DNAH8: variants seen among roughly 807,000 people sequenced by gnomAD.
DNAH8 encodes axonemal beta dynein heavy chain 8.
DNAH8 carries 382 observed loss-of-function variants against 562.1 expected under a neutral mutation model. That is an observed-to-expected ratio of 0.68 (90% confidence interval 0.63 to 0.74). The LOEUF is 0.74. Ranked by LOEUF, DNAH8 falls within the 30% of genes least tolerant of loss-of-function variation. DNAH8 has a pLI of 0.00. For synonymous variants in DNAH8, 1,881 were observed against 1,919.4 expected, an observed-to-expected ratio of 0.98 and a Z score of 0.52; for missense variants, 5,203 against 5,620.4, an observed-to-expected ratio of 0.93 and a Z score of 2.37.
intron 29 of DNAH8, among the ~76,000 whole-genome samples, chr6:38,827,305 T>C (rs920139830): frequency 5.3e-5 from 8 of 152,212 alleles, no homozygotes; most frequent in African/African-American, 1.9e-4. Flanking sequence ...TATAAGGTAA[T>C]ATGTTCACAG....
chr6:38,847,523 C>T (rs1329873111), intron 36 of DNAH8, among the ~76,000 whole-genome samples: 2 of 152,030 alleles, frequency 1.3e-5, no homozygotes, highest in Non-Finnish European at 2.9e-5. Flanking sequence ...AACTGGATTA[C>T]CTACCTCCTT....
At chr6:38,768,543 G>A (rs1012106962) in intron 11 of DNAH8, among the ~76,000 whole-genome samples, 1 of 151,640 alleles carries the variant, frequency 6.6e-6, no homozygotes, top group East Asian at 1.9e-4. Context: ...GGGATTACAG[G>A]CATGAGCCAC....
At chr6:38,902,931 T>A (rs1780171770) in intron 62 of DNAH8, among the ~76,000 whole-genome samples, 2 of 152,180 alleles carry the variant, frequency 1.3e-5, no homozygotes, top group Admixed American at 1.3e-4. Flanking sequence ...TCACATGAGA[T>A]TATAATGGAG....
At chr6:38,760,341 T>G (rs1231525988) in intron 10 of DNAH8, among the ~76,000 whole-genome samples, 3 of 152,216 alleles carry the variant, frequency 2.0e-5, no homozygotes, top group African/African-American at 7.2e-5. Flanking sequence ...TATTCAGTAT[T>G]GTTGAGGAGA....
intron 42 of DNAH8, among the ~76,000 whole-genome samples, chr6:38,859,378 T>G (rs1776433172): frequency 2.0e-5 from 3 of 152,112 alleles, no homozygotes; most frequent in African/African-American, 7.2e-5. Context: ...GGAAGCAAGA[T>G]CATAACCAAA....
chr6:38,951,577 T>C (rs986555291), intron 82 of DNAH8, 57 bp downstream of exon 82: 9 of 1,512,882 alleles, frequency 5.9e-6, no homozygotes, highest in Non-Finnish European at 8.1e-6. Flanking sequence ...TGCCCCAAAT[T>C]TTGCCTTTCG....
chr6:38,862,382 G>A lies in DNAH8; in HGVS notation c.6234G>A (p.Arg2078=), dbSNP rs1277118168. 2 of 1,614,190 alleles carry A rather than the reference G, an allele frequency of 1.2e-6. No homozygotes were observed. The highest frequency in any genetic ancestry group is 1.7e-6 in the Non-Finnish European group (2 of 1,180,008). Residue 2078 remains arginine (R), a synonymous_variant, in exon 44 of 93, where the codon AGG becomes AGA. Transcript: ENST00000327475. ...GKTETTKDMG[R]CLGKYVVVFN... Reference sequence around the variant, plus strand: ...CAGAAACCACAAAAGACATGGGAAGGTGTTTGGGAAAATATGTGGTCGTGT... The same window carrying A: ...CAGAAACCACAAAAGACATGGGAAGATGTTTGGGAAAATATGTGGTCGTGT...
chr6:38,864,336 G>A (rs1776878044), intron 45 of DNAH8, among the ~76,000 whole-genome samples: 1 of 152,140 alleles, frequency 6.6e-6, no homozygotes, highest in Non-Finnish European at 1.5e-5. Flanking sequence ...TATGTGTAAG[G>A]TGCAGGCTAA....
intron 12 of DNAH8, among the ~76,000 whole-genome samples, chr6:38,772,091 T>A (rs1277031116): frequency 1.3e-5 from 2 of 148,700 alleles, no homozygotes; most frequent in East Asian, 3.9e-4. Flanking sequence ...TGCAGTGGCG[T>A]GATCTCGGCT....
In DNAH8 at chr6:38,984,206, G is replaced by A. The variant is rs1427875858; in HGVS notation, c.12952G>A (p.Gly4318Ser). Residue 4318 changes from glycine to serine, a missense_variant and splice_region_variant, in exon 87 of 93, where the codon GGT becomes AGT. By Grantham distance (56) the Gly-to-Ser change is moderately conservative. This residue lies in a region of DNAH8 where 1,399 missense variants were observed against 1,518.4 expected (regional missense o/e 0.92). Coordinates refer to ENST00000327475, the MANE Select transcript of DNAH8 (RefSeq NM_001206927.2). ...NHLDECDIKK[G>S]VSWNTVRYMI... ...TAATCCTTTTTTACTTTTAATAAAG[G>A]GTGTATCATGGAATACGGTTCGGTA... 1.3e-6 allele frequency: 2 copies of A among 1,523,458 alleles called. No homozygotes were observed. Among genetic ancestry groups the A allele is most frequent in the Admixed American group, 1.7e-5 (1 of 58,286 alleles). 94.4% of individuals were successfully genotyped at this position (1,523,458 alleles called of 1,614,324 possible).
At position 39,030,604 on chromosome 6, in the gene DNAH8, G is replaced by A. The variant is rs773576899; in HGVS notation, c.*212G>A. 18 of 493,138 alleles carry A rather than the reference G, an allele frequency of 3.7e-5. No individual in the cohort carries two copies. The highest frequency in any genetic ancestry group is 6.1e-5 in the Non-Finnish European group (17 of 280,770). The allele number at this position is 493,138 out of a possible 1,614,324, so 30.5% of individuals were successfully genotyped here. On this transcript the variant is annotated 3_prime_UTR_variant, in exon 93 of 93. Transcript: ENST00000327475. ...CTCTAAATGAATGTTTTTTATTCTG[G>A]GAAATCATATTTCACTATAATTACT...
intron 88 of DNAH8, among the ~76,000 whole-genome samples, chr6:39,008,010 A>G (rs1765907842): frequency 2.1e-5 from 3 of 143,634 alleles, no homozygotes. Flanking sequence ...CATCTCAGGG[A>G]CAGAGACTAA....
chr6:38,725,667 G>C (rs1763158410), intron 3 of DNAH8, among the ~76,000 whole-genome samples: 1 of 152,212 alleles, frequency 6.6e-6, no homozygotes, highest in African/African-American at 2.4e-5. Flanking sequence ...GGAATTTACT[G>C]CTGTGGTCAA....
intron 1 of DNAH8, among the ~76,000 whole-genome samples, chr6:38,715,960 A>ATATTTTTTTTTTTTTTT (rs1372342002): frequency 8.5e-5 from 2 of 23,628 alleles, no homozygotes; most frequent in East Asian, 1.0e-3. Flanking sequence ...ATATATATAT[A>ATATTTTTTTTTTTTTTT]TTTTTTTTTT....
At chr6:38,776,886 T>C (rs2127632577) in intron 13 of DNAH8, among the ~76,000 whole-genome samples, 1 of 152,286 alleles carries the variant, frequency 6.6e-6, no homozygotes, top group Admixed American at 6.5e-5. Flanking sequence ...AAGGGAATGG[T>C]TTCCTCTTGC....
chr6:38,965,423 G>A (rs1046240845), intron 82 of DNAH8, among the ~76,000 whole-genome samples: 1 of 152,130 alleles, frequency 6.6e-6, no homozygotes, highest in African/African-American at 2.4e-5. Flanking sequence ...TTAGAATAAA[G>A]ATCTCTAGGG....
In DNAH8 at chr6:38,834,652, A is replaced by AT. The variant is rs754363733; in HGVS notation, c.4365+19dup. ...CTACAGATATTTCAGGTGAAACCAC[A>AT]TTTTTTTTGTTACATCGACAATGTG... On this transcript the variant is annotated intron_variant, in intron 32 of 92. Transcript: ENST00000327475. 52 of 1,595,072 alleles carry AT rather than the reference A, an allele frequency of 3.3e-5. No individual in the cohort carries two copies. The highest frequency in any genetic ancestry group is 9.0e-5 in the East Asian group (4 of 44,528).
intron 3 of DNAH8, among the ~76,000 whole-genome samples, chr6:38,727,315 A>G (rs556345489): frequency 6.6e-6 from 1 of 152,344 alleles, no homozygotes; most frequent in Admixed American, 6.5e-5. Context: ...TCTGTGGCAT[A>G]GAAAGCTGAA....
chr6:38,816,721 A>G (rs999677563), intron 26 of DNAH8, among the ~76,000 whole-genome samples: 9 of 152,098 alleles, frequency 5.9e-5, no homozygotes, highest in Non-Finnish European at 1.2e-4. Flanking sequence ...AAGCATTCCT[A>G]TTTCTCCACA....
Sources: gnomAD v4.1 joint callset for allele counts (sites outside exome capture counted in the v4.1 genomes callset) on GRCh38, gnomAD v4.1.1 for gene constraint, gnomAD v4.1.1 regional missense constraint, MANE v1.5 for transcripts, NCBI Gene and HGNC (gene_info 2026-07-23, HGNC 2026-07-21) for gene names.